Variants in SNTN observed in about 807,000 individuals in gnomAD.
SNTN encodes sentan.
A neutral mutation model predicts 12.3 loss-of-function variants in SNTN; 13 were observed. The ratio of observed to expected loss-of-function variants is 1.05; its 90% CI spans 0.69 to 1.67. The LOEUF (loss-of-function observed/expected upper bound fraction) is 1.67. SNTN is among the 40% of genes most tolerant of loss of function. SNTN has a pLI of 0.00. For synonymous variants in SNTN, 69 were observed against 58.5 expected (o/e 1.18, Z -0.82); for missense variants, 189 against 169.8 (o/e 1.11, Z -0.63).
At chr3:63,660,525 G>T (rs13070974) in intron 3 of SNTN, among the ~76,000 whole-genome samples, 25,917 of 152,110 alleles carry the variant, frequency 0.17, 2,263 homozygotes, top group South Asian at 0.2. Context: ...TTAGACTACG[G>T]CGGTGAAGAT....
chr3:63,663,053 A>G (rs1700758409), intron 3 of SNTN, among the ~76,000 whole-genome samples: 1 of 152,200 alleles, frequency 6.6e-6, no homozygotes, highest in South Asian at 2.1e-4. Context: ...ATTATATTCT[A>G]TATTTCTGGA....
Position 63,654,795 on chromosome 3 carries a change from A to G in SNTN, c.144A>G (p.Lys48=), listed in dbSNP as rs774768839. 1.7e-5 allele frequency: 27 copies of G among 1,613,120 alleles called. No individual in the cohort carries two copies. Among genetic ancestry groups the G allele is most frequent in the Non-Finnish European group, 2.1e-5 (25 of 1,179,450 alleles). Residue 48 remains lysine, a splice_region_variant and synonymous_variant, in exon 2 of 4, where the codon AAA becomes AAG. Transcript: ENST00000343837. ...ISISKQLASV[K]ALRKCSDLEK... ...TATCCAAACAACTGGCTTCAGTGAA[A>G]GGTAAGGCACAGATGACGCAGATGT...
At chr3:63,663,895 G>T in intron 3 of SNTN, 42 bp from the exon 4 acceptor site, 1 of 1,595,460 alleles carries the variant, frequency 6.3e-7, no homozygotes, top group South Asian at 1.1e-5. Context: ...TAAACCTAAA[G>T]TCTATACAAC....
At position 63,664,945 on chromosome 3, in the gene SNTN, G is replaced by A. The variant is rs767008113; in HGVS notation, c.*850G>A. ...TTTTTTTTGTATTTTTAGTGGAGAC[G>A]GGGTTTCGCCATGTCGGCCAGGCTG... is the stretch of plus-strand genomic sequence containing the variant. On this transcript the variant is annotated 3_prime_UTR_variant, in exon 4 of 4. Coordinates refer to ENST00000343837, the MANE Select transcript of SNTN (RefSeq NM_001080537.2). Among the ~76,000 whole-genome samples, 12 of 151,872 alleles carry A rather than the reference G, an allele frequency of 7.9e-5. No individual in the cohort carries two copies. The highest frequency in any genetic ancestry group is 1.6e-4 in the Non-Finnish European group (11 of 67,990).
At chr3:63,658,530 G>A (rs774976026) in intron 2 of SNTN, among the ~76,000 whole-genome samples, 7 of 151,364 alleles carry the variant, frequency 4.6e-5, no homozygotes, top group African/African-American at 7.3e-5. Context: ...TTGCTAGATC[G>A]TAAGATCTAT....
Position 63,663,953 on chromosome 3 carries a change from C to G in SNTN, c.302C>G (p.Pro101Arg), listed in dbSNP as rs201671949. Residue 101 changes from proline (P) to arginine (R), a missense_variant, in exon 4 of 4, where the codon CCA (proline) becomes CGA (arginine). Transcript: ENST00000343837. ...TTCTCACAGGGACAAGAAACCAAGC[C>G]AAAATACAGAGAGATCCTTTCTGAA... is the stretch of plus-strand genomic sequence containing the variant. The part of the protein sequence containing the change: ...RNFAEGQETK[P>R]KYREILSELD... 2 of 1,611,704 alleles carry G rather than the reference C, an allele frequency of 1.2e-6. No individual in the cohort carries two copies. Among genetic ancestry groups the G allele is most frequent in the Middle Eastern group, 1.7e-4 (1 of 6,034 alleles).
chr3:63,663,889 C>G (rs1379534747), intron 3 of SNTN, 48 bp from the exon 4 acceptor site: 1 of 1,584,056 alleles, frequency 6.3e-7, no homozygotes, highest in Admixed American at 1.7e-5. Flanking sequence ...GATCTGTAAA[C>G]CTAAAGTCTA....
At chr3:63,654,733 T>C in intron 1 of SNTN, 29 bp from the exon 2 acceptor site, 1 of 1,608,272 alleles carries the variant, frequency 6.2e-7, no homozygotes. Context: ...ACTCCCAGAA[T>C]CATTCTGTTT....
chr3:63,654,950 G>C (rs571342130), intron 2 of SNTN, among the ~76,000 whole-genome samples, 154 bp downstream of exon 2: 1 of 152,288 alleles, frequency 6.6e-6, no homozygotes, highest in African/African-American at 2.4e-5. Context: ...TTTTAAAGAT[G>C]TGGGAACTGA....
In SNTN at chr3:63,652,722, C is replaced by G. The variant is rs779030416; in HGVS notation, c.35C>G (p.Ser12Cys). 7 of 1,614,082 alleles carry G rather than the reference C, an allele frequency of 4.3e-6. No individual in the cohort carries two copies. The Admixed American group carries it at 1.2e-4, about 27-fold the overall frequency. ...GGCMHSTQDK[S>C]LHLEGDPNPS... ...TGTATGCACAGTACCCAGGACAAATCTCTCCACTTGGAAGGAGATCCCAAT... is the reference window on the plus strand; with the variant it reads ...TGTATGCACAGTACCCAGGACAAATGTCTCCACTTGGAAGGAGATCCCAAT... Residue 12 changes from serine (S) to cysteine (C), a missense_variant, in exon 1 of 4, where the codon TCT (serine) becomes TGT (cysteine). Transcript: ENST00000343837.
At chr3:63,660,920 C>A (rs1475430050) in intron 3 of SNTN, among the ~76,000 whole-genome samples, 1 of 152,162 alleles carries the variant, frequency 6.6e-6, no homozygotes, top group East Asian at 1.9e-4. Context: ...ACCTTACTCA[C>A]CTAAGGGTAT....
At chr3:63,653,066 G>C (rs531832682) in intron 1 of SNTN, among the ~76,000 whole-genome samples, 1 of 152,290 alleles carries the variant, frequency 6.6e-6, no homozygotes, top group African/African-American at 2.4e-5. Flanking sequence ...TGACTTAACT[G>C]TGTAGCATAT....
rs1162172849 is a variant in SNTN, at chr3:63,659,783, A to C, written c.204A>C (p.Arg68Ser). 3.1e-6 allele frequency: 5 copies of C among 1,613,936 alleles called. No individual in the cohort carries two copies. Among genetic ancestry groups the C allele is most frequent in the Non-Finnish European group, 4.2e-6 (5 of 1,179,952 alleles). The change falls in exon 3 of 4, where the codon AGA (arginine) becomes AGC (serine). Residue 68 changes from arginine (R) to serine (S), a missense_variant. Coordinates refer to ENST00000343837, the MANE Select transcript of SNTN (RefSeq NM_001080537.2). Reference sequence around the variant, plus strand: ...TTGCCACCACTGCTCTGATTTTCAGAAATTCTTCTGACTCTGATGGTAAAC... The same window carrying C: ...TTGCCACCACTGCTCTGATTTTCAGCAATTCTTCTGACTCTGATGGTAAAC... ...KAIATTALIF[R>S]NSSDSDGKLE...
chr3:63,654,736 T>C (rs758387312), intron 1 of SNTN, 26 bp from the exon 2 acceptor site: 22 of 1,609,656 alleles, frequency 1.4e-5, no homozygotes, highest in Admixed American at 3.3e-5. Flanking sequence ...CCCAGAATCA[T>C]TCTGTTTCTT....
chr3:63,661,346 T>C (rs1209353199), intron 3 of SNTN, among the ~76,000 whole-genome samples: 1 of 152,164 alleles, frequency 6.6e-6, no homozygotes, highest in Non-Finnish European at 1.5e-5. Flanking sequence ...TTCTGAAATA[T>C]TGAAAAGATA....
rs927319090 is a variant in SNTN at position 63,664,237 on chromosome 3, A to G, written c.*142A>G. The G allele has an allele frequency of 8.3e-6, 6 of 720,106 alleles. No individual in the cohort carries two copies. The African/African-American group carries it at 9.0e-5, about 11-fold the overall frequency. 44.6% of individuals were successfully genotyped at this position (720,106 alleles called of 1,614,324 possible). On this transcript the variant is annotated 3_prime_UTR_variant, in exon 4 of 4. Transcript: ENST00000343837. ...TTCTGATTGCTGGTATTCAGATCCA[A>G]TGTAACTCCAAATATTTACCCATAC...
chr3:63,654,868 T>A lies in SNTN; in HGVS notation c.145+72T>A, dbSNP rs542261947. 1.0e-4 allele frequency: 135 copies of A among 1,308,016 alleles called. 1 individual carries two copies. Among genetic ancestry groups the A allele is most frequent in the African/African-American group, 6.8e-4 (46 of 67,590 alleles). The allele number at this position is 1,308,016 out of a possible 1,614,324, so 81.0% of individuals were successfully genotyped here. A position where few individuals can be genotyped will look rare whatever the true frequency, so the allele number is the denominator to read the frequency against. On this transcript the variant is annotated intron_variant, in intron 2 of 3. Transcript: ENST00000343837. ...TGGCATGCCAAGTGTTAAAAAAAAA[T>A]AATAGGACATCAAAGAATGCCAGAG...
intron 2 of SNTN, among the ~76,000 whole-genome samples, chr3:63,658,332 C>T (rs1368502948): frequency 6.6e-6 from 1 of 151,398 alleles, no homozygotes; most frequent in Non-Finnish European, 1.5e-5. Context: ...AGTAGTTTTC[C>T]TCCCAGACCC....
intron 3 of SNTN, among the ~76,000 whole-genome samples, chr3:63,660,497 G>A (rs1575751008): frequency 6.6e-6 from 1 of 152,220 alleles, no homozygotes; most frequent in East Asian, 1.9e-4. Flanking sequence ...GGCAATTCAA[G>A]AGAAAGATGG....
Sources: allele counts gnomAD v4.1 joint callset (sites outside exome capture counted in the v4.1 genomes callset), GRCh38; gene constraint gnomAD v4.1.1; transcripts MANE v1.5; gene names NCBI Gene and HGNC (gene_info 2026-07-23, HGNC 2026-07-21).